CENPI: variants seen among roughly 807,000 people sequenced by gnomAD.
The protein encoded by CENPI is centromere protein I.
CENPI carries 4 observed loss-of-function variants against 60.4 expected under a neutral mutation model. The observed-to-expected ratio is 0.07, with a 90% CI of 0.03 to 0.15. The LOEUF (loss-of-function observed/expected upper bound fraction) is 0.15. Among genes scored for constraint, CENPI ranks in the 10% least tolerant of loss-of-function variants. The pLI is 1.00. For missense variants in CENPI, 444 were observed against 534.5 expected, an observed-to-expected ratio of 0.83 and a Z score of 1.67; for synonymous variants, 157 against 189.4, an observed-to-expected ratio of 0.83 and a Z score of 1.40.
At chrX:101,119,128 C>T (rs1374499751) in intron 6 of CENPI, among the ~76,000 whole-genome samples, 1 of 111,373 alleles carries the variant, frequency 9.0e-6, no homozygotes, top group Non-Finnish European at 1.9e-5. Context: ...TGCAGTGAGC[C>T]GAGATCATGC....
downstream of CENPI, among the ~76,000 whole-genome samples, chrX:101,169,619 C>T (rs1353384793): frequency 1.8e-5 from 2 of 112,167 alleles, no homozygotes; most frequent in African/African-American, 6.5e-5. Context: ...TTTGGAGCAT[C>T]TACTCATACT....
chrX:101,128,983 T>C (rs1194175319), intron 12 of CENPI, 147 bp downstream of exon 12: 29 of 512,334 alleles, frequency 5.7e-5, no homozygotes, highest in Non-Finnish European at 7.1e-5. Context: ...TCTGTTGTAA[T>C]TTTAAGGCAG....
intron 4 of CENPI, among the ~76,000 whole-genome samples, chrX:101,109,074 T>TG (rs1263884817): frequency 2.3e-4 from 21 of 89,515 alleles, no homozygotes; most frequent in Non-Finnish European, 4.3e-4. Flanking sequence ...TGAGGTGTGG[T>TG]GTTTTTTTTT....
chrX:101,114,024 AG>A (rs1278974918), intron 6 of CENPI, among the ~76,000 whole-genome samples: 1 of 111,892 alleles, frequency 8.9e-6, no homozygotes, highest in Non-Finnish European at 1.9e-5. Flanking sequence ...CGGGAGGCCG[AG>A]GGGGGCAGAT....
chrX:101,121,161 C>T (rs1468100116), intron 8 of CENPI, among the ~76,000 whole-genome samples: 7 of 111,444 alleles, frequency 6.3e-5, no homozygotes. Flanking sequence ...CAGGCGTAAG[C>T]CACCGCGCCT....
intron 6 of CENPI, among the ~76,000 whole-genome samples, chrX:101,117,491 G>A (rs1280314102): frequency 8.9e-6 from 1 of 112,075 alleles, no homozygotes; most frequent in Non-Finnish European, 1.9e-5. Context: ...CACCGCGCCT[G>A]GCCAAACTGC....
intron 20 of CENPI, among the ~76,000 whole-genome samples, chrX:101,151,567 C>G (rs745740636): frequency 3.6e-5 from 4 of 111,563 alleles, no homozygotes; most frequent in Non-Finnish European, 7.5e-5. Context: ...CGGGGTGGCT[C>G]ACGCCTGTAA....
At chrX:101,162,492 AAT>A in intron 21 of CENPI, among the ~76,000 whole-genome samples, 1 of 101,493 alleles carries the variant, frequency 9.9e-6, no homozygotes. Flanking sequence ...ATATATATAT[AAT>A]TATCTCATTA....
At chrX:101,141,126 C>G (rs781530293) in intron 16 of CENPI, 1 of 117,277 alleles carries the variant, frequency 8.5e-6, no homozygotes, top group South Asian at 3.5e-4. Flanking sequence ...AGAAAAATCT[C>G]TAACGTAATT....
At chrX:101,160,057 C>T (rs1469171588) in intron 20 of CENPI, among the ~76,000 whole-genome samples, 2 of 112,297 alleles carry the variant, frequency 1.8e-5, no homozygotes, top group Non-Finnish European at 3.7e-5. Context: ...TTTTTGTTCA[C>T]TTTCCTGCTT....
chrX:101,126,352 C>T (rs752765427), intron 8 of CENPI, among the ~76,000 whole-genome samples: 1 of 112,064 alleles, frequency 8.9e-6, no homozygotes, highest in South Asian at 3.7e-4. Context: ...TCCTTGAGGT[C>T]TAAATCAAGG....
chrX:101,154,604 C>T (rs2090036595), intron 20 of CENPI, among the ~76,000 whole-genome samples: 1 of 110,993 alleles, frequency 9.0e-6, no homozygotes, highest in Non-Finnish European at 1.9e-5. Flanking sequence ...AAACAAAAAA[C>T]GGATCCAGCT....
intron 6 of CENPI, among the ~76,000 whole-genome samples, chrX:101,112,518 A>G (rs913782908): frequency 8.9e-6 from 1 of 112,459 alleles, no homozygotes; most frequent in African/African-American, 3.2e-5. Context: ...CCACTTGTCA[A>G]GTTTTGGTGT....
At chrX:101,125,426 T>C (rs969231028) in intron 8 of CENPI, among the ~76,000 whole-genome samples, 9 of 111,347 alleles carry the variant, frequency 8.1e-5, no homozygotes, top group Non-Finnish European at 1.3e-4. Context: ...AGATGGAGTC[T>C]CACTCCATCA....
chrX:101,178,719 G>A, the CENPI span, among the ~76,000 whole-genome samples: 1 of 111,597 alleles, frequency 9.0e-6, no homozygotes, highest in East Asian at 2.8e-4. Context: ...CCGGATCTAT[G>A]CTGCTTAAAG....
chrX:101,148,061 C>T lies in CENPI; in HGVS notation c.1994C>T (p.Pro665Leu), dbSNP rs773780780. Residue 665 changes from proline (P) to leucine (L), a missense_variant, in exon 20 of 22, where the codon CCT (proline) becomes CTT (leucine). Transcript: ENST00000682095. ...TTTGGGAAAGGAATATATATTGACC[C>T]TGAAATCCTAGAAAAAACTGGAGTG... ...KPFGKGIYIDPEILEKTGVAE... is the reference protein window; with the variant it reads ...KPFGKGIYIDLEILEKTGVAE... The T allele has an allele frequency of 2.2e-5, 26 of 1,176,002 alleles. No individual in the cohort carries two copies. The South Asian group carries it at 5.0e-4, about 22-fold the overall frequency.
rs1046021005 is a variant in CENPI at position 101,104,865 on chromosome X, A to T, written c.364+2454A>T. Reference sequence around the variant, plus strand: ...CCCTGTCTCTGGGAAAAAAAAAAAAAAAGAAAAATTAAGACAGCTCTCAAA... The same window carrying T: ...CCCTGTCTCTGGGAAAAAAAAAAAATAAGAAAAATTAAGACAGCTCTCAAA... On this transcript the variant is annotated intron_variant, in intron 4 of 21. Transcript: ENST00000682095. Among the ~76,000 whole-genome samples the T allele has an allele frequency of 1.3e-4, 14 of 110,241 alleles. No homozygotes were observed. The East Asian group carries it at 4.0e-3, about 31-fold the overall frequency.
At chrX:101,104,671 C>A (rs919748704) in intron 4 of CENPI, among the ~76,000 whole-genome samples, 3 of 104,280 alleles carry the variant, frequency 2.9e-5, no homozygotes, top group Admixed American at 2.1e-4. Flanking sequence ...CCAGCCTGGG[C>A]AACAAAGCGA....
chrX:101,106,150 T>A (rs2089481462), intron 4 of CENPI, among the ~76,000 whole-genome samples: 1 of 111,497 alleles, frequency 9.0e-6, no homozygotes, highest in Admixed American at 9.7e-5. Context: ...CCCTTTGAAT[T>A]TGGTGCACAT....
Sources: allele counts gnomAD v4.1 joint callset (sites outside exome capture counted in the v4.1 genomes callset), GRCh38; gene constraint gnomAD v4.1.1; transcripts MANE v1.5; gene names NCBI Gene and HGNC (gene_info 2026-07-23, HGNC 2026-07-21).